The following AXDND1 variants were observed in gnomAD, a reference collection of about 807,000 sequenced individuals.
AXDND1 encodes the protein axonemal dynein light chain domain containing 1.
Under a neutral mutation model 137.5 loss-of-function variants are expected in AXDND1, and 110 were observed. That is an observed-to-expected ratio of 0.80 (90% CI 0.69 to 0.94). AXDND1 has a LOEUF of 0.94. Ranked by LOEUF, AXDND1 falls within the 40% of genes least tolerant of loss-of-function variation. The pLI is 0.00. For synonymous variants in AXDND1, 414 were observed against 399.7 expected (o/e 1.04, Z -0.43); for missense variants, 1,191 against 1,169.8 (o/e 1.02, Z -0.26).
At chr1:179,433,148 T>C (rs1243758272) in intron 15 of AXDND1, among the ~76,000 whole-genome samples, 1 of 152,180 alleles carries the variant, frequency 6.6e-6, no homozygotes, top group Non-Finnish European at 1.5e-5. Context: ...GATTTTCTAG[T>C]TTATTTGCAT....
chr1:179,465,673 G>A (rs1663043677), intron 16 of AXDND1, among the ~76,000 whole-genome samples: 1 of 152,200 alleles, frequency 6.6e-6, no homozygotes, highest in African/African-American at 2.4e-5. Flanking sequence ...GTTTAAGTCT[G>A]CAGAAGTTTC....
At chr1:179,390,919 GTC>G (rs1333375145) in intron 9 of AXDND1, among the ~76,000 whole-genome samples, 1 of 152,100 alleles carries the variant, frequency 6.6e-6, no homozygotes, top group Non-Finnish European at 1.5e-5. Flanking sequence ...TGATTCTCCT[GTC>G]TCAGCCTACT....
chr1:179,534,985 C>A, intron 25 of AXDND1, 23 bp downstream of exon 25: 4 of 1,605,894 alleles, frequency 2.5e-6, no homozygotes, highest in Non-Finnish European at 3.4e-6. Context: ...TCGTATTTTG[C>A]TTTATTCAGG....
At chr1:179,470,346 C>T (rs72719302) in intron 17 of AXDND1, among the ~76,000 whole-genome samples, 9,562 of 152,116 alleles carry the variant, frequency 0.063, 360 homozygotes, top group African/African-American at 0.071. Flanking sequence ...TCAATTTTTA[C>T]AAAGACATTA....
At chr1:179,471,682 G>A (rs1663952388) in intron 17 of AXDND1, among the ~76,000 whole-genome samples, 1 of 151,756 alleles carries the variant, frequency 6.6e-6, no homozygotes, top group African/African-American at 2.4e-5. Flanking sequence ...TTCCTTTAGT[G>A]TTTTTCTATT....
At position 179,549,081 on chromosome 1, in the gene AXDND1, T is replaced by C. The variant is rs1672932287; in HGVS notation, c.3032-5431T>C. Among the ~76,000 whole-genome samples the C allele has an allele frequency of 1.3e-5, 2 of 152,078 alleles. 1 individual carries two copies. The highest frequency in any genetic ancestry group is 4.1e-4 in the South Asian group (2 of 4,828). On this transcript the variant is annotated intron_variant, in intron 25 of 25. Coordinates refer to ENST00000367618, the MANE Select transcript of AXDND1 (RefSeq NM_144696.6). ...GCCAAACTGGAACATCTTATCCCTG[T>C]TTATCAGCTTATTGCCACTCTATTA...
intron 17 of AXDND1, among the ~76,000 whole-genome samples, chr1:179,474,388 G>A (rs569826488): frequency 2.6e-5 from 4 of 152,326 alleles, no homozygotes; most frequent in African/African-American, 7.2e-5. Context: ...AGTTTGGAGG[G>A]CTCAGAGGAA....
chr1:179,485,731 A>G lies in AXDND1; in HGVS notation c.2091+2510A>G, dbSNP rs565973742. On this transcript the variant is annotated intron_variant, in intron 18 of 25. Transcript: ENST00000367618. The stretch of plus-strand genomic sequence containing the variant: ...AGAATTCAGAATATGTATAGGAACA[A>G]AGATCATCAACGTACAAGAAAGTTG... Among the ~76,000 whole-genome samples the G allele has an allele frequency of 9.4e-5, 11 of 117,368 alleles. No individual in the cohort carries two copies. In the East Asian group the frequency reaches 3.1e-3, roughly 33 times the overall value. 77.0% of individuals were successfully genotyped at this position (117,368 alleles called of 152,430 possible). A position where few individuals can be genotyped will look rare whatever the true frequency, so the allele number is the denominator to read the frequency against.
chr1:179,409,257 G>A (rs942863461), intron 11 of AXDND1, among the ~76,000 whole-genome samples: 2 of 151,752 alleles, frequency 1.3e-5, no homozygotes, highest in Non-Finnish European at 2.9e-5. Context: ...CTGGTTCATT[G>A]TTGGTGTATA....
intron 17 of AXDND1, among the ~76,000 whole-genome samples, chr1:179,480,392 TATTC>T (rs1665220183): frequency 6.6e-6 from 1 of 152,162 alleles, no homozygotes; most frequent in South Asian, 2.1e-4. Context: ...TCATTAGACT[TATTC>T]ACTACCACGA....
At chr1:179,431,298 C>T (rs1383954145) in intron 14 of AXDND1, among the ~76,000 whole-genome samples, 1 of 151,906 alleles carries the variant, frequency 6.6e-6, no homozygotes, top group East Asian at 1.9e-4. Flanking sequence ...TGCGCCACCA[C>T]ACCCGGCTAA....
At chr1:179,527,587 C>G (rs1572176326) in intron 22 of AXDND1, among the ~76,000 whole-genome samples, 1 of 152,120 alleles carries the variant, frequency 6.6e-6, no homozygotes, top group African/African-American at 2.4e-5. Context: ...TGATCACCAG[C>G]CTTTATAATA....
intron 16 of AXDND1, among the ~76,000 whole-genome samples, chr1:179,462,506 C>CT (rs923463409): frequency 3.2e-4 from 49 of 152,002 alleles, no homozygotes; most frequent in African/African-American, 8.0e-4. Flanking sequence ...CTAAAATTCT[C>CT]TTTTTTTTGT....
At chr1:179,419,677 G>A (rs1302883924) in intron 12 of AXDND1, among the ~76,000 whole-genome samples, 1 of 144,022 alleles carries the variant, frequency 6.9e-6, no homozygotes, top group African/African-American at 2.8e-5. Flanking sequence ...GAGACAGAGA[G>A]GGAGAGGGAG....
At chr1:179,419,833 T>G (rs540029966) in intron 12 of AXDND1, among the ~76,000 whole-genome samples, 25 of 152,216 alleles carry the variant, frequency 1.6e-4, no homozygotes, top group Non-Finnish European at 3.4e-4. Flanking sequence ...TGTTTTTCAG[T>G]TCTAACAGGT....
rs960950670 is a variant in AXDND1, at chr1:179,525,565, T to C, written c.2610+118T>C. On this transcript the variant is annotated intron_variant, in intron 22 of 25. Transcript: ENST00000367618. ...AGGTTGGAGTGCTGTGGTATCATCA[T>C]AGCTCACTGTAACCTCGAACTCTGG... 7 of 1,204,100 alleles carry C rather than the reference T, an allele frequency of 5.8e-6. No individual in the cohort carries two copies. The African/African-American group carries it at 1.1e-4, about 19-fold the overall frequency. 74.6% of individuals were successfully genotyped at this position (1,204,100 alleles called of 1,614,324 possible).
intron 25 of AXDND1, chr1:179,550,590 C>T (rs1332222703): frequency 6.5e-6 from 1 of 153,208 alleles, no homozygotes; most frequent in African/African-American, 2.4e-5. Context: ...ACTCCAAGTA[C>T]ATCTCTCTTT....
chr1:179,513,489 T>G (rs994769827), intron 21 of AXDND1, among the ~76,000 whole-genome samples: 2 of 152,116 alleles, frequency 1.3e-5, no homozygotes, highest in Admixed American at 6.5e-5. Flanking sequence ...AAGATTTTAG[T>G]GTCTGTGTTT....
chr1:179,546,518 G>T (rs1156733312), intron 25 of AXDND1, among the ~76,000 whole-genome samples: 1 of 152,142 alleles, frequency 6.6e-6, no homozygotes, highest in Admixed American at 6.5e-5. Flanking sequence ...ATCACTGGCA[G>T]TCAGGCTGCC....
Sources: gnomAD v4.1 joint callset for allele counts (sites outside exome capture counted in the v4.1 genomes callset) on GRCh38, gnomAD v4.1.1 for gene constraint, MANE v1.5 for transcripts, NCBI Gene and HGNC (gene_info 2026-07-23, HGNC 2026-07-21) for gene names.